TSBP1: variants seen among roughly 807,000 people sequenced by gnomAD.
The protein encoded by TSBP1 is testis expressed basic protein 1, also known as testis-expressed basic protein 1.
A neutral mutation model predicts 68.8 loss-of-function variants in TSBP1; 56 were observed. That is an observed-to-expected ratio of 0.81 (90% confidence interval 0.66 to 1.02). The LOEUF (loss-of-function observed/expected upper bound fraction) is 1.02. Among genes scored for constraint, TSBP1 ranks in the 50% least tolerant of loss-of-function variants. The pLI is 0.00. For synonymous variants in TSBP1, 171 were observed against 208.7 expected (o/e 0.82, Z 1.56); for missense variants, 502 against 641.2 (o/e 0.78, Z 2.34).
At position 32,365,411 on chromosome 6, in the gene TSBP1, GA is replaced by G. The variant is rs1348587855; in HGVS notation, c.217+755del. 1 of 457,196 alleles carries G rather than the reference GA, an allele frequency of 2.2e-6. No individual in the cohort carries two copies. Among genetic ancestry groups the G allele is most frequent in the Admixed American group, 2.3e-5 (1 of 42,582 alleles). The allele number at this position is 457,196 out of a possible 1,614,324, so 28.3% of individuals were successfully genotyped here. The stretch of plus-strand genomic sequence containing the variant: ...GCCTAGATGGGAGAGTGAAATGTGT[GA>G]AAGGCATGCCTGTGGGTCAGTAGTG... On this transcript the variant is annotated intron_variant, in intron 6 of 22. Coordinates refer to ENST00000612031, the Ensembl canonical transcript of TSBP1. This position sits in a 1 kb window ranked among gnomAD's most constrained non-coding sequence, Gnocchi z 4.3.
At chr6:32,319,747 A>G (rs577548) in intron 18 of TSBP1, among the ~76,000 whole-genome samples, 1,968 of 150,644 alleles carry the variant, frequency 0.013, 54 homozygotes, top group East Asian at 0.1. Context: ...GACATTTAGT[A>G]TATGTTTACT....
intron 14 of TSBP1, 79 bp from the exon 16 acceptor site, chr6:32,332,133 G>C: frequency 9.7e-7 from 1 of 1,036,046 alleles, no homozygotes; most frequent in Non-Finnish European, 1.5e-6. Context: ...CTAGAAGTGA[G>C]GCTTTGAGAG....
At chr6:32,358,566 C>A (rs1032116098) in intron 6 of TSBP1, among the ~76,000 whole-genome samples, 4 of 151,906 alleles carry the variant, frequency 2.6e-5, no homozygotes, top group African/African-American at 9.7e-5. Context: ...CCTCCCCGCT[C>A]CCCTCACCCC....
At chr6:32,322,140 A>G (rs1309458691) in intron 18 of TSBP1, among the ~76,000 whole-genome samples, 1 of 152,212 alleles carries the variant, frequency 6.6e-6, no homozygotes, top group Non-Finnish European at 1.5e-5. Context: ...TGCTTAAATC[A>G]TTTGTAACTG....
chr6:32,308,325 T>A (rs1053506797), intron 19 of TSBP1, among the ~76,000 whole-genome samples: 2 of 151,992 alleles, frequency 1.3e-5, no homozygotes, highest in African/African-American at 4.8e-5. Flanking sequence ...TTAAAAAAAT[T>A]TGCTTTTTCA....
chr6:32,364,746 T>C (rs1043038224), intron 6 of TSBP1, among the ~76,000 whole-genome samples: 7 of 152,156 alleles, frequency 4.6e-5, no homozygotes, highest in African/African-American at 1.7e-4. Context: ...AAACCTTCAT[T>C]TTTGGGGGTT....
rs1395436089 is a variant in TSBP1, at chr6:32,361,562, T to A, written c.217+4605A>T. Among the ~76,000 whole-genome samples, 1 of 152,176 alleles carries A rather than the reference T, an allele frequency of 6.6e-6. No homozygotes were observed. Among genetic ancestry groups the A allele is most frequent in the East Asian group, 1.9e-4 (1 of 5,192 alleles). ...ACCTGTTTCCTGACTTTTTAATGATTGCCATTCTAACTGGTGTGAGATGGT... is the reference window on the plus strand; with the variant it reads ...ACCTGTTTCCTGACTTTTTAATGATAGCCATTCTAACTGGTGTGAGATGGT... On this transcript the variant is annotated intron_variant, in intron 6 of 22. Coordinates refer to ENST00000612031, the Ensembl canonical transcript of TSBP1. This position sits in a 1 kb window ranked among gnomAD's most constrained non-coding sequence, Gnocchi z 4.3.
intron 16 of TSBP1, among the ~76,000 whole-genome samples, chr6:32,329,550 CGT>C (rs762112361): frequency 9.2e-5 from 14 of 152,264 alleles, no homozygotes; most frequent in South Asian, 6.2e-4. Context: ...TTTTAATGGT[CGT>C]AGTGTGGTTG....
At chr6:32,329,528 G>A (rs957239311) in intron 16 of TSBP1, among the ~76,000 whole-genome samples, 1 of 152,184 alleles carries the variant, frequency 6.6e-6, no homozygotes, top group African/African-American at 2.4e-5. Flanking sequence ...ATTCAGGGCA[G>A]TAAATATCCA....
intron 9 of TSBP1, among the ~76,000 whole-genome samples, chr6:32,348,838 A>G (rs3117121): frequency 0.42 from 64,029 of 151,952 alleles, 14,365 homozygotes; most frequent in African/African-American, 0.55. Flanking sequence ...CCATTCCCTG[A>G]TCTCTTCACA....
rs1000067287 is a variant in TSBP1, at chr6:32,321,111, G to GT, written c.559+2005dup. ...TGATGGGCATTTAGGTTGATTCCAT[G>GT]TATTTGCTATTGTGAATAGTTCTGT... On this transcript the variant is annotated intron_variant, in intron 18 of 22. Transcript: ENST00000612031. This position sits in a 1 kb window ranked among gnomAD's most constrained non-coding sequence, Gnocchi z 4.3. 6.6e-6 allele frequency among the ~76,000 whole-genome samples: 1 copy of GT among 152,122 alleles called. No individual in the cohort carries two copies. Among genetic ancestry groups the GT allele is most frequent in the African/African-American group, 2.4e-5 (1 of 41,426 alleles).
Position 32,325,114 on chromosome 6 carries a change from C to A in TSBP1, c.515-1500G>T, listed in dbSNP as rs550771623. 1 of 459,898 alleles carries A rather than the reference C, an allele frequency of 2.2e-6. No homozygotes were observed. Among genetic ancestry groups the A allele is most frequent in the South Asian group, 5.5e-5 (1 of 18,160 alleles). 28.5% of individuals were successfully genotyped at this position (459,898 alleles called of 1,614,324 possible). A position where few individuals can be genotyped will look rare whatever the true frequency, so the allele number is the denominator to read the frequency against. On this transcript the variant is annotated intron_variant, in intron 16 of 22. Coordinates refer to ENST00000612031, the Ensembl canonical transcript of TSBP1. The surrounding 1 kb of genome is among the most constrained non-coding windows in gnomAD (Gnocchi z 4.4). ...TTTTCTCAGGTCTTTATTTTTTATGCGAGTCAGTGAATGTTCTAGAAACTT... is the reference window on the plus strand; with the variant it reads ...TTTTCTCAGGTCTTTATTTTTTATGAGAGTCAGTGAATGTTCTAGAAACTT...
intron 4 of TSBP1, among the ~76,000 whole-genome samples, chr6:32,367,259 GAGAGAA>G (rs1773853527): frequency 6.6e-6 from 1 of 151,440 alleles, no homozygotes; most frequent in South Asian, 2.1e-4. Context: ...GAGAGAGAGA[GAGAGAA>G]AGAGAGAGAG....
At position 32,340,691 on chromosome 6, in the gene TSBP1, T is replaced by C. The variant is rs1770230487; in HGVS notation, c.350-1053A>G. 6.6e-6 allele frequency among the ~76,000 whole-genome samples: 1 copy of C among 152,168 alleles called. No homozygotes were observed. Among genetic ancestry groups the C allele is most frequent in the African/African-American group, 2.4e-5 (1 of 41,444 alleles). On this transcript the variant is annotated intron_variant, in intron 9 of 22. Coordinates refer to ENST00000612031, the Ensembl canonical transcript of TSBP1. The surrounding 1 kb of genome is among the most constrained non-coding windows in gnomAD (Gnocchi z 4.8). ...GAGCAGGAAAGAGAATCATGATAAA[T>C]TACTGATTTCTGCCACAGGCAAAGG...
At position 32,335,843 on chromosome 6, in the gene TSBP1, A is replaced by T; in HGVS notation, c.451+69T>A. On this transcript the variant is annotated intron_variant, in intron 13 of 22. Transcript: ENST00000612031. This position sits in a 1 kb window ranked among gnomAD's most constrained non-coding sequence, Gnocchi z 5.5. ...CCCTTGAAATCCCAACATGGAAACC[A>T]GGTAGCGATCCCTAAGATACTGCAG... 8.1e-7 allele frequency: 1 copy of T among 1,235,546 alleles called. No individual in the cohort carries two copies. Among genetic ancestry groups the T allele is most frequent in the Non-Finnish European group, 1.2e-6 (1 of 843,648 alleles). The allele number at this position is 1,235,546 out of a possible 1,614,324, so 76.5% of individuals were successfully genotyped here. A position where few individuals can be genotyped will look rare whatever the true frequency, so the allele number is the denominator to read the frequency against.
Position 32,338,703 on chromosome 6 carries a change from A to T in TSBP1, c.409+276T>A, listed in dbSNP as rs28732192. ...TCTTTGAGTGTTACTGGGTTTTCTC[A>T]CAGGGGAATCTTTCTTCCTTTCACT... On this transcript the variant is annotated intron_variant, in intron 11 of 22. Transcript: ENST00000612031. This position sits in a 1 kb window ranked among gnomAD's most constrained non-coding sequence, Gnocchi z 5.5. Among the ~76,000 whole-genome samples the T allele has an allele frequency of 0.067, 10,135 of 152,178 alleles. 385 individuals carry two copies. The highest frequency in any genetic ancestry group is 0.098 in the South Asian group (471 of 4,816).
intron 16 of TSBP1, among the ~76,000 whole-genome samples, chr6:32,328,141 C>T (rs1449824357): frequency 6.6e-6 from 1 of 151,992 alleles, no homozygotes; most frequent in African/African-American, 2.4e-5. Flanking sequence ...GCGGTTTCAT[C>T]ATGTTGGCCA....
At chr6:32,297,422 T>G (rs2127558900) in intron 22 of TSBP1, among the ~76,000 whole-genome samples, 1 of 152,354 alleles carries the variant, frequency 6.6e-6, no homozygotes, top group African/African-American at 2.4e-5. Context: ...AGCTAAAAGA[T>G]ATCATGAAAT....
At chr6:32,300,411 T>C (rs961410372) in intron 21 of TSBP1, among the ~76,000 whole-genome samples, 1 of 152,202 alleles carries the variant, frequency 6.6e-6, no homozygotes, top group Admixed American at 6.5e-5. Flanking sequence ...ACAGAGGAAA[T>C]AGGCTCTGTT....
Sources: allele counts gnomAD v4.1 joint callset (sites outside exome capture counted in the v4.1 genomes callset), GRCh38; gene constraint gnomAD v4.1.1; non-coding constraint Gnocchi (gnomAD v3.1); transcripts MANE v1.5; gene names NCBI Gene and HGNC (gene_info 2026-07-23, HGNC 2026-07-21).